The following PLA2G4A variants were observed in gnomAD, a reference collection of about 807,000 sequenced individuals.
The protein encoded by PLA2G4A is phospholipase A2 group IVA.
Under a neutral mutation model 81.9 loss-of-function variants are expected in PLA2G4A, and 40 were observed. That is an observed-to-expected ratio of 0.49 (90% CI 0.38 to 0.64). The LOEUF (loss-of-function observed/expected upper bound fraction) is 0.64. Ranked by LOEUF, PLA2G4A falls within the 30% of genes least tolerant of loss-of-function variation. PLA2G4A has a pLI of 0.00. For synonymous variants in PLA2G4A, 302 were observed against 296.9 expected (o/e 1.02, Z -0.18); for missense variants, 715 against 905.1 (o/e 0.79, Z 2.69).
At chr1:186,845,084 C>T (rs1184814763) in intron 1 of PLA2G4A, among the ~76,000 whole-genome samples, 1 of 152,070 alleles carries the variant, frequency 6.6e-6, no homozygotes, top group Non-Finnish European at 1.5e-5. Flanking sequence ...ATGGTGGGTG[C>T]CTGTAGTCCA....
intron 7 of PLA2G4A, among the ~76,000 whole-genome samples, chr1:186,924,765 G>A (rs1655488531): frequency 6.6e-6 from 1 of 152,098 alleles, no homozygotes; most frequent in African/African-American, 2.4e-5. Context: ...AGGCAATTGG[G>A]ATTTAAATCC....
rs115253600 is a variant in PLA2G4A at position 186,985,207 on chromosome 1, A to G, written c.2119-3170A>G. ...AATGCCCAGTCTTCTGCTCCACTTA[A>G]AAACCCTGCCTGTCCTTTAACTCAA... On this transcript the variant is annotated intron_variant, in intron 17 of 17. Coordinates refer to ENST00000367466, the MANE Select transcript of PLA2G4A (RefSeq NM_024420.3). Among the ~76,000 whole-genome samples the G allele has an allele frequency of 6.6e-3, 1,005 of 152,248 alleles. 17 individuals carry two copies. The highest frequency in any genetic ancestry group is 0.024 in the African/African-American group (977 of 41,538).
intron 1 of PLA2G4A, among the ~76,000 whole-genome samples, chr1:186,829,332 G>A (rs1244064047): frequency 6.6e-6 from 1 of 152,172 alleles, no homozygotes; most frequent in African/African-American, 2.4e-5. Flanking sequence ...CAAAACGGCG[G>A]TGAGGTGGCG....
intron 14 of PLA2G4A, among the ~76,000 whole-genome samples, chr1:186,964,222 C>A (rs916214942): frequency 6.6e-6 from 1 of 152,090 alleles, no homozygotes; most frequent in African/African-American, 2.4e-5. Context: ...AGAGTGTGGA[C>A]AAGGGAACAG....
At chr1:186,869,382 T>C (rs1241340158) in intron 2 of PLA2G4A, among the ~76,000 whole-genome samples, 2 of 152,220 alleles carry the variant, frequency 1.3e-5, no homozygotes, top group African/African-American at 2.4e-5. Context: ...CCTGCCTTTT[T>C]AAACAAGGTA....
intron 14 of PLA2G4A, among the ~76,000 whole-genome samples, chr1:186,959,691 T>C (rs930959139): frequency 2.6e-5 from 4 of 152,164 alleles, no homozygotes; most frequent in Non-Finnish European, 5.9e-5. Context: ...ATAGATCTGA[T>C]TTACCTCCCT....
chr1:186,848,355 A>G (rs1436638116), intron 1 of PLA2G4A, among the ~76,000 whole-genome samples: 1 of 152,122 alleles, frequency 6.6e-6, no homozygotes, highest in Non-Finnish European at 1.5e-5. Flanking sequence ...TAAGGGTTTA[A>G]AAACCAGAGT....
intron 12 of PLA2G4A, among the ~76,000 whole-genome samples, chr1:186,949,093 GA>G (rs1656441549): frequency 6.6e-6 from 1 of 152,114 alleles, no homozygotes; most frequent in Non-Finnish European, 1.5e-5. Flanking sequence ...GAATGAATGT[GA>G]AAAATTTACA....
chr1:186,894,213 T>A lies in PLA2G4A; in HGVS notation c.378+2T>A, dbSNP rs1654254473. 6 of 970,474 alleles carry A rather than the reference T, an allele frequency of 6.2e-6. No homozygotes were observed. The highest frequency in any genetic ancestry group is 8.4e-6 in the Non-Finnish European group (5 of 592,154). 60.1% of individuals were successfully genotyped at this position (970,474 alleles called of 1,614,324 possible). A position where few individuals can be genotyped will look rare whatever the true frequency, so the allele number is the denominator to read the frequency against. On this transcript the variant is annotated splice_donor_variant, in intron 5 of 17. Transcript: ENST00000367466. LOFTEE classifies it high-confidence loss of function. ...GAAGTTCCTTTTATTTTCAACCAAG[T>A]AAGTAACACTGCAGAATTATATTCC...
At chr1:186,832,877 T>C (rs915323764) in intron 1 of PLA2G4A, among the ~76,000 whole-genome samples, 2 of 152,224 alleles carry the variant, frequency 1.3e-5, no homozygotes, top group Non-Finnish European at 2.9e-5. Flanking sequence ...ACAATGTTTT[T>C]CTCATTTTTG....
intron 14 of PLA2G4A, 39 bp from the exon 15 acceptor site, chr1:186,965,370 T>C (rs368930204): frequency 6.6e-6 from 9 of 1,355,256 alleles, no homozygotes; most frequent in East Asian, 4.6e-5. Flanking sequence ...TGATGAATGA[T>C]CATTTAATTC....
rs554310294 is a variant in PLA2G4A at position 186,915,980 on chromosome 1, G to A, written c.558+4591G>A. 5.9e-5 allele frequency among the ~76,000 whole-genome samples: 9 copies of A among 152,160 alleles called. No individual in the cohort carries two copies. The South Asian group carries it at 6.2e-4, about 11-fold the overall frequency. ...ACTGGGTCTACAGGTACTAATTCTC[G>A]GGCTTTCCATGGCCATTGATATCCT... is the stretch of plus-strand genomic sequence containing the variant. On this transcript the variant is annotated intron_variant, in intron 7 of 17. Coordinates refer to ENST00000367466, the MANE Select transcript of PLA2G4A (RefSeq NM_024420.3).
At chr1:186,841,148 T>G (rs1195162558) in intron 1 of PLA2G4A, among the ~76,000 whole-genome samples, 3 of 152,210 alleles carry the variant, frequency 2.0e-5, no homozygotes, top group South Asian at 4.1e-4. Flanking sequence ...TAATGGTCTG[T>G]GTGGGAAGAG....
intron 1 of PLA2G4A, among the ~76,000 whole-genome samples, chr1:186,841,498 A>G (rs1651981089): frequency 1.3e-5 from 2 of 152,144 alleles, no homozygotes; most frequent in South Asian, 4.1e-4. Flanking sequence ...GAAAGTGAAG[A>G]GGTATGTTCA....
chr1:186,858,701 A>G (rs1652683691), intron 2 of PLA2G4A, among the ~76,000 whole-genome samples: 1 of 152,070 alleles, frequency 6.6e-6, no homozygotes, highest in Admixed American at 6.6e-5. Context: ...GTAATTACCT[A>G]TGTGGTAATA....
intron 14 of PLA2G4A, among the ~76,000 whole-genome samples, chr1:186,961,681 A>C (rs921102133): frequency 6.6e-6 from 1 of 152,164 alleles, no homozygotes; most frequent in Non-Finnish European, 1.5e-5. Flanking sequence ...TAAGGGGCAA[A>C]CCAAACAGAA....
At chr1:186,978,834 G>A (rs141699245) in intron 16 of PLA2G4A, among the ~76,000 whole-genome samples, 1 of 152,294 alleles carries the variant, frequency 6.6e-6, no homozygotes, top group Non-Finnish European at 1.5e-5. Flanking sequence ...AGTGGTAAAG[G>A]GAAGGAAGGC....
chr1:186,907,410 A>T (rs546904029), intron 6 of PLA2G4A, among the ~76,000 whole-genome samples: 13 of 152,326 alleles, frequency 8.5e-5, no homozygotes, highest in African/African-American at 3.1e-4. Flanking sequence ...AATAATTTTT[A>T]AAATTGAGAC....
Position 186,848,080 on chromosome 1 carries a change from G to T in PLA2G4A, c.-69-6206G>T, listed in dbSNP as rs189602150. Among the ~76,000 whole-genome samples, 4 of 152,244 alleles carry T rather than the reference G, an allele frequency of 2.6e-5. No homozygotes were observed. In the East Asian group the frequency reaches 7.7e-4, roughly 29 times the overall value. ...GAACCTCAGAAAACGAAAACTGGAA[G>T]TGGACCACAAGATGCACTGGGGCTG... On this transcript the variant is annotated intron_variant, in intron 1 of 17. Coordinates refer to ENST00000367466, the MANE Select transcript of PLA2G4A (RefSeq NM_024420.3).
Sources: gnomAD v4.1 joint callset for allele counts (sites outside exome capture counted in the v4.1 genomes callset) on GRCh38, gnomAD v4.1.1 for gene constraint, MANE v1.5 for transcripts, NCBI Gene and HGNC (gene_info 2026-07-23, HGNC 2026-07-21) for gene names.